The following DCDC1 variants were observed in gnomAD, a reference collection of about 807,000 sequenced individuals.
The protein encoded by DCDC1 is doublecortin domain containing 1.
DCDC1 carries 200 observed loss-of-function variants against 178.3 expected under a neutral mutation model. That is an observed-to-expected ratio of 1.12 (90% CI 1.00 to 1.26). The LOEUF (loss-of-function observed/expected upper bound fraction) is 1.26, where lower values mean the gene tolerates loss of function less well. Among genes scored for constraint, DCDC1 ranks in the 50% most tolerant of loss-of-function variants. The pLI is 0.00. For synonymous variants in DCDC1, 690 were observed against 604.8 expected, an observed-to-expected ratio of 1.14 and a Z score of -2.07; for missense variants, 1,983 against 1,749.2, an observed-to-expected ratio of 1.13 and a Z score of -2.38.
chr11:31,019,246 T>C (rs1952698884), intron 20 of DCDC1, among the ~76,000 whole-genome samples: 1 of 152,114 alleles, frequency 6.6e-6, no homozygotes, highest in South Asian at 2.1e-4. Context: ...TCTCAACAAA[T>C]GGTAGATTCT....
At chr11:31,155,425 A>G (rs146334224) in intron 9 of DCDC1, among the ~76,000 whole-genome samples, 50 of 152,388 alleles carry the variant, frequency 3.3e-4, no homozygotes, top group Middle Eastern at 3.4e-3. Flanking sequence ...TATTTGTCCC[A>G]AAACATGACC....
At chr11:30,951,921 T>G (rs1948450411) in intron 21 of DCDC1, among the ~76,000 whole-genome samples, 1 of 152,102 alleles carries the variant, frequency 6.6e-6, no homozygotes, top group African/African-American at 2.4e-5. Flanking sequence ...GACCAAATAC[T>G]TTAGACTACA....
chr11:31,064,521 C>T lies in DCDC1; in HGVS notation c.2539G>A (p.Val847Ile), dbSNP rs1269078249. ...GSLEETGELT[V>I]ALVRKLEEKH... The stretch of plus-strand genomic sequence containing the variant: ...TCTTCCAGTTTCCTCACCAGTGCTA[C>T]TGTCAGCTCCCCCGTCTCCTCAAGA... The change falls in exon 20 of 39, where the codon GTA (valine) becomes ATA (isoleucine). Residue 847 changes from valine (V) to isoleucine (I), a missense_variant. Coordinates refer to ENST00000684477, the MANE Select transcript of DCDC1 (RefSeq NM_001387274.1). 4 of 765,998 alleles carry T rather than the reference C, an allele frequency of 5.2e-6. No individual in the cohort carries two copies. In the Admixed American group the frequency reaches 6.8e-5, roughly 13 times the overall value. The allele number at this position is 765,998 out of a possible 1,614,324, so 47.5% of individuals were successfully genotyped here. A position where few individuals can be genotyped will look rare whatever the true frequency, so the allele number is the denominator to read the frequency against.
At chr11:31,034,436 C>T (rs1953883983) in intron 20 of DCDC1, among the ~76,000 whole-genome samples, 1 of 152,136 alleles carries the variant, frequency 6.6e-6, no homozygotes, top group Admixed American at 6.5e-5. Context: ...AATTTGGACT[C>T]ACCCAATGCA....
intron 7 of DCDC1, 116 bp downstream of exon 7, chr11:31,290,531 G>A (rs1947147719): frequency 8.8e-7 from 1 of 1,137,764 alleles, no homozygotes; most frequent in Admixed American, 2.9e-5. Flanking sequence ...TCTATATAAT[G>A]TCTTGTTAAT....
intron 9 of DCDC1, among the ~76,000 whole-genome samples, chr11:31,168,523 T>A (rs1191713933): frequency 6.6e-6 from 1 of 152,194 alleles, no homozygotes; most frequent in Non-Finnish European, 1.5e-5. Flanking sequence ...TAAACATACA[T>A]TTACTGATAT....
chr11:31,141,394 T>C (rs945838920), intron 9 of DCDC1, among the ~76,000 whole-genome samples: 7 of 152,208 alleles, frequency 4.6e-5, no homozygotes, highest in Non-Finnish European at 7.3e-5. Context: ...CAAACTCTCA[T>C]TGCTCTGAAC....
intron 2 of DCDC1, among the ~76,000 whole-genome samples, chr11:31,331,390 T>C (rs1234966216): frequency 1.3e-5 from 2 of 152,228 alleles, no homozygotes; most frequent in Admixed American, 6.5e-5. Context: ...TCTTGCCTGA[T>C]TGCCCTGGCC....
At chr11:31,241,876 C>G in intron 8 of DCDC1, 1 of 271,294 alleles carries the variant, frequency 3.7e-6, no homozygotes, top group Non-Finnish European at 6.8e-6. Context: ...ACTAGCTGCA[C>G]AGAGTGTCAT....
chr11:31,065,450 T>C (rs922020897), intron 18 of DCDC1, among the ~76,000 whole-genome samples: 35 of 152,238 alleles, frequency 2.3e-4, no homozygotes, highest in South Asian at 2.1e-4. Flanking sequence ...ATTTATTGAG[T>C]TATTTCTAGA....
At chr11:30,900,675 A>C (rs1944595271) in intron 32 of DCDC1, among the ~76,000 whole-genome samples, 177 bp from the exon 33 acceptor site, 1 of 152,150 alleles carries the variant, frequency 6.6e-6, no homozygotes, top group African/African-American at 2.4e-5. Flanking sequence ...TATACAACCC[A>C]AAAAATAAAC....
intron 20 of DCDC1, among the ~76,000 whole-genome samples, chr11:31,049,005 TAA>T (rs1955065282): frequency 6.6e-6 from 1 of 152,260 alleles, no homozygotes; most frequent in Non-Finnish European, 1.5e-5. Flanking sequence ...TCATTCATCA[TAA>T]GAGACTGATA....
At chr11:30,888,098 A>AAAG (rs1943400623) in intron 36 of DCDC1, among the ~76,000 whole-genome samples, 51 of 105,502 alleles carry the variant, frequency 4.8e-4, no homozygotes, top group African/African-American at 1.5e-3. Flanking sequence ...GAAAGAAAGA[A>AAAG]AAAGAAAGAA....
At chr11:31,047,789 C>G (rs941672457) in intron 20 of DCDC1, among the ~76,000 whole-genome samples, 1 of 152,014 alleles carries the variant, frequency 6.6e-6, no homozygotes, top group African/African-American at 2.4e-5. Flanking sequence ...TCTCTACATC[C>G]TATGATAACT....
At chr11:31,048,406 T>C (rs1399762318) in intron 20 of DCDC1, among the ~76,000 whole-genome samples, 1 of 152,162 alleles carries the variant, frequency 6.6e-6, no homozygotes, top group African/African-American at 2.4e-5. Flanking sequence ...ATCTAGAAAA[T>C]GCATCCTACA....
In DCDC1 at chr11:30,871,276, C is replaced by T. The variant is rs553903284; in HGVS notation, c.*41-5944G>A. 1.1e-4 allele frequency among the ~76,000 whole-genome samples: 16 copies of T among 152,190 alleles called. No homozygotes were observed. The East Asian group carries it at 2.7e-3, about 26-fold the overall frequency. On this transcript the variant is annotated intron_variant, in intron 38 of 38. Coordinates refer to ENST00000684477, the MANE Select transcript of DCDC1 (RefSeq NM_001387274.1). Reference sequence around the variant, plus strand: ...GTAGAAAATTCACATGAGGACCAAGCACAGAGAAACAGGGAAGTCAAGAGC... The same window carrying T: ...GTAGAAAATTCACATGAGGACCAAGTACAGAGAAACAGGGAAGTCAAGAGC...
intron 9 of DCDC1, among the ~76,000 whole-genome samples, chr11:31,203,774 AT>A (rs1332851249): frequency 6.6e-6 from 1 of 152,194 alleles, no homozygotes; most frequent in Non-Finnish European, 1.5e-5. Flanking sequence ...GAATAATAAA[AT>A]TTTAGAAGCA....
intron 26 of DCDC1, 112 bp downstream of exon 26, chr11:30,916,758 G>A: frequency 1.7e-6 from 2 of 1,208,178 alleles, no homozygotes. Flanking sequence ...TGTGCATGTT[G>A]ATAGAAACAG....
chr11:31,113,241 A>G (rs1959245113), intron 11 of DCDC1, among the ~76,000 whole-genome samples: 2 of 152,152 alleles, frequency 1.3e-5, no homozygotes, highest in Admixed American at 1.3e-4. Context: ...TTTTTACTGC[A>G]TTGTGTTTGA....
Sources: gnomAD v4.1 joint callset for allele counts (sites outside exome capture counted in the v4.1 genomes callset) on GRCh38, gnomAD v4.1.1 for gene constraint, MANE v1.5 for transcripts, NCBI Gene and HGNC (gene_info 2026-07-23, HGNC 2026-07-21) for gene names.